The following KLHDC4 variants were observed in gnomAD, a reference collection of about 807,000 sequenced individuals.
KLHDC4 encodes kelch domain containing 4.
A neutral mutation model predicts 62.4 loss-of-function variants in KLHDC4; 90 were observed. The ratio of observed to expected loss-of-function variants is 1.44; its 90% CI spans 1.22 to 1.72. KLHDC4 has a LOEUF of 1.72. KLHDC4 is among the 40% of genes most tolerant of loss of function. The pLI, the probability that KLHDC4 is intolerant of heterozygous loss-of-function variation, is 0.00. For missense variants in KLHDC4, 1,025 were observed against 699.7 expected (o/e 1.47, Z -5.25); for synonymous variants, 386 against 284.4 (o/e 1.36, Z -3.59).
Position 87,755,246 on chromosome 16 carries a change from G to T in KLHDC4, c.317C>A (p.Thr106Asn). ...ELYVYNTRKDTWTKVDIPSPP... is the reference protein window; with the variant it reads ...ELYVYNTRKDNWTKVDIPSPP... ...ACTGGGGATGTCAACTTTGGTCCAG[G>T]TGTCCTTTCTGGTATTGTAGACATA... Residue 106 changes from threonine (T) to asparagine (N), a missense_variant, in exon 4 of 12, where the codon ACC becomes AAC. By Grantham distance (65) the Thr-to-Asn change is moderately conservative. Coordinates refer to ENST00000270583, the MANE Select transcript of KLHDC4 (RefSeq NM_017566.4). 1 of 1,611,886 alleles carries T rather than the reference G, an allele frequency of 6.2e-7. No individual in the cohort carries two copies. Among genetic ancestry groups the T allele is most frequent in the South Asian group, 1.1e-5 (1 of 91,030 alleles).
At chr16:87,722,376 G>T (rs1164266103) in intron 7 of KLHDC4, among the ~76,000 whole-genome samples, 1 of 152,206 alleles carries the variant, frequency 6.6e-6, no homozygotes, top group Non-Finnish European at 1.5e-5. Flanking sequence ...GAGGGCAGGT[G>T]TCTGTGAGTT....
chr16:87,726,913 T>A lies in KLHDC4; in HGVS notation c.611A>T (p.Tyr204Phe). The change falls in exon 7 of 12, where the codon TAC becomes TTC. Residue 204 changes from tyrosine (Y) to phenylalanine (F), a missense_variant. Transcript: ENST00000270583. ...ATTAAAGGCATACACGTCGTTGTAG[T>A]AGATGTAATCCCTGGTTAGAAGAAC... ...GFHESTRDYIYYNDVYAFNLD... is the reference protein window; with the variant it reads ...GFHESTRDYIFYNDVYAFNLD... 2 of 1,613,946 alleles carry A rather than the reference T, an allele frequency of 1.2e-6. No homozygotes were observed. The highest frequency in any genetic ancestry group is 1.7e-6 in the Non-Finnish European group (2 of 1,179,918).
intron 9 of KLHDC4, chr16:87,709,958 C>CCACCAGACCCCACACACAGGG: frequency 4.8e-6 from 2 of 417,930 alleles, no homozygotes; most frequent in Non-Finnish European, 8.6e-6. Context: ...GTGGACAGGC[C>CCACCAGACCCCACACACAGGG]CACCAGACCC....
intron 8 of KLHDC4, among the ~76,000 whole-genome samples, chr16:87,712,308 G>A (rs1342998909): frequency 5.3e-5 from 8 of 151,964 alleles, no homozygotes; most frequent in African/African-American, 9.7e-5. Context: ...GCAAATGGAC[G>A]TATTCTGTGT....
intron 5 of KLHDC4, among the ~76,000 whole-genome samples, chr16:87,742,807 C>G (rs1030278189): frequency 1.3e-5 from 2 of 152,216 alleles, no homozygotes; most frequent in African/African-American, 2.4e-5. Flanking sequence ...GAAAACCCCC[C>G]ACTGTTCTCT....
At chr16:87,765,762 G>T in intron 1 of KLHDC4, 30 bp downstream of exon 1, 2 of 1,550,654 alleles carry the variant, frequency 1.3e-6, no homozygotes. Context: ...CCGCGACGTC[G>T]GGCCGCTAAG....
intron 5 of KLHDC4, among the ~76,000 whole-genome samples, chr16:87,731,733 C>T (rs1202538692): frequency 1.3e-5 from 2 of 152,178 alleles, no homozygotes; most frequent in East Asian, 1.9e-4. Flanking sequence ...AGGAAAACAC[C>T]AGTCCACACA....
Position 87,765,403 on chromosome 16 carries a change from C to T in KLHDC4, c.99+389G>A, listed in dbSNP as rs1295907656. 4 of 480,694 alleles carry T rather than the reference C, an allele frequency of 8.3e-6. No homozygotes were observed. The East Asian group carries it at 2.5e-4, about 30-fold the overall frequency. The allele number at this position is 480,694 out of a possible 1,614,324, so 29.8% of individuals were successfully genotyped here. A position where few individuals can be genotyped will look rare whatever the true frequency, so the allele number is the denominator to read the frequency against. ...TCTTACTCCCAGACCACACATCATG[C>T]AGAGGCAGCCCCCGGCTCAACCTCA... On this transcript the variant is annotated intron_variant, in intron 1 of 11. Coordinates refer to ENST00000270583, the MANE Select transcript of KLHDC4 (RefSeq NM_017566.4).
chr16:87,730,719 A>G (rs1224784455), intron 5 of KLHDC4, 75 bp from the exon 6 acceptor site: 10 of 1,281,836 alleles, frequency 7.8e-6, no homozygotes, highest in Non-Finnish European at 1.1e-5. Flanking sequence ...AACAACAAAC[A>G]AAATCCAATT....
chr16:87,764,646 CAAAAAAAAAAAAAAAAA>C (rs564692904), intron 1 of KLHDC4, among the ~76,000 whole-genome samples: 2 of 33,838 alleles, frequency 5.9e-5, no homozygotes, highest in East Asian at 1.3e-3. Flanking sequence ...GAAACTCCTT[CAAAAAAAAAAAAAAAAA>C]AAAAAAAAAA....
At chr16:87,762,818 G>A (rs535159192) in intron 1 of KLHDC4, among the ~76,000 whole-genome samples, 6 of 152,024 alleles carry the variant, frequency 3.9e-5, no homozygotes, top group African/African-American at 1.2e-4. Context: ...ATGCACACCC[G>A]AGCCTGGCAT....
At chr16:87,760,382 C>T (rs1263444432) in intron 2 of KLHDC4, among the ~76,000 whole-genome samples, 1 of 149,780 alleles carries the variant, frequency 6.7e-6, no homozygotes, top group Non-Finnish European at 1.5e-5. Flanking sequence ...CTGAGGCGGG[C>T]GGATCACGAG....
chr16:87,717,094 G>A (rs953400134), intron 7 of KLHDC4, among the ~76,000 whole-genome samples: 2 of 152,082 alleles, frequency 1.3e-5, no homozygotes, highest in African/African-American at 4.8e-5. Context: ...AGCCAGGCAT[G>A]GTGGCATGCA....
At chr16:87,727,791 C>T (rs1055148899) in intron 6 of KLHDC4, among the ~76,000 whole-genome samples, 12 of 152,166 alleles carry the variant, frequency 7.9e-5, no homozygotes, top group Non-Finnish European at 1.5e-4. Flanking sequence ...GCAGCTCTAG[C>T]CCAAGTCTCA....
At chr16:87,717,735 G>C (rs537218706) in intron 7 of KLHDC4, among the ~76,000 whole-genome samples, 1 of 152,322 alleles carries the variant, frequency 6.6e-6, no homozygotes, top group South Asian at 2.1e-4. Flanking sequence ...GACTTCATCT[G>C]CTGGGGGGAC....
chr16:87,746,365 G>A (rs904409552), intron 5 of KLHDC4, among the ~76,000 whole-genome samples: 1 of 151,980 alleles, frequency 6.6e-6, no homozygotes, highest in African/African-American at 2.4e-5. Flanking sequence ...GAGAAAGAGA[G>A]AGAGAGCGAG....
chr16:87,709,052 C>T (rs572955322), intron 10 of KLHDC4, among the ~76,000 whole-genome samples: 13 of 152,382 alleles, frequency 8.5e-5, no homozygotes, highest in African/African-American at 2.9e-4. Flanking sequence ...CCCGTCAGCA[C>T]CCGGGACAAA....
chr16:87,755,204 C>T lies in KLHDC4; in HGVS notation c.359G>A (p.Cys120Tyr), dbSNP rs138234137. Residue 120 changes from cysteine to tyrosine, a missense_variant, in exon 4 of 12, where the codon TGT becomes TAT. Cys to Tyr is a radical substitution (Grantham distance 194, BLOSUM62 -2). Coordinates refer to ENST00000270583, the MANE Select transcript of KLHDC4 (RefSeq NM_017566.4). The part of the protein sequence containing the change: ...VDIPSPPPRR[C>Y]AHQAVVVPQG... ...CAGTGCTGACATTACCTGGTGAGCA[C>T]AGCGCCTCGGAGGTGGACTGGGGAT... The T allele has an allele frequency of 6.2e-7, 1 of 1,608,136 alleles. No homozygotes were observed. Among genetic ancestry groups the T allele is most frequent in the Admixed American group, 1.7e-5 (1 of 59,960 alleles).
At chr16:87,721,901 T>G (rs1297785258) in intron 7 of KLHDC4, among the ~76,000 whole-genome samples, 4 of 151,612 alleles carry the variant, frequency 2.6e-5, no homozygotes, top group African/African-American at 9.7e-5. Flanking sequence ...TGCCCATGTG[T>G]CCATGGAAAC....
Sources: allele counts gnomAD v4.1 joint callset (sites outside exome capture counted in the v4.1 genomes callset), GRCh38; gene constraint gnomAD v4.1.1; transcripts MANE v1.5; gene names NCBI Gene and HGNC (gene_info 2026-07-23, HGNC 2026-07-21).